Variants in DNAH12 observed in about 807,000 individuals in gnomAD.
DNAH12 encodes the protein axonemal beta dynein heavy chain 12.
A neutral mutation model predicts 371.5 loss-of-function variants in DNAH12; 285 were observed. The observed-to-expected ratio is 0.77, with a 90% CI of 0.70 to 0.85. The LOEUF is 0.85. DNAH12 is among the 40% of genes least tolerant of loss of function. The probability of loss-of-function intolerance (pLI) is 0.00; values close to 1 mark genes in which losing one functional copy is unlikely to be tolerated. For missense variants in DNAH12, 3,611 were observed against 3,689.4 expected (o/e 0.98, Z 0.55); for synonymous variants, 1,200 against 1,213.0 (o/e 0.99, Z 0.22).
chr3:57,413,307 G>C (rs1240509062), intron 39 of DNAH12, among the ~76,000 whole-genome samples: 1 of 152,172 alleles, frequency 6.6e-6, no homozygotes, highest in Non-Finnish European at 1.5e-5. Context: ...GGAATGAAAA[G>C]AGAACACAGA....
intron 43 of DNAH12, among the ~76,000 whole-genome samples, chr3:57,401,299 T>C (rs2063852417): frequency 6.6e-6 from 1 of 151,064 alleles, no homozygotes; most frequent in African/African-American, 2.4e-5. Flanking sequence ...TCTGTAATCC[T>C]AGCAGTTGGG....
chr3:57,494,708 T>C (rs927899895), intron 11 of DNAH12, among the ~76,000 whole-genome samples: 1 of 152,150 alleles, frequency 6.6e-6, no homozygotes, highest in African/African-American at 2.4e-5. Flanking sequence ...TGACATGATA[T>C]TGTATACAGA....
At chr3:57,351,015 A>G (rs1553659969) in intron 60 of DNAH12, among the ~76,000 whole-genome samples, 1 of 151,342 alleles carries the variant, frequency 6.6e-6, no homozygotes, top group Non-Finnish European at 1.5e-5. Flanking sequence ...TCACACCTGT[A>G]ATACCAGCAC....
intron 44 of DNAH12, among the ~76,000 whole-genome samples, chr3:57,393,371 TA>T (rs2063665507): frequency 6.6e-6 from 1 of 152,052 alleles, no homozygotes. Flanking sequence ...CTCACGCCTG[TA>T]ATCCCAGCAC....
At chr3:57,443,505 C>T (rs9839011) in intron 29 of DNAH12, among the ~76,000 whole-genome samples, 104,496 of 152,018 alleles carry the variant, frequency 0.69, 36,050 homozygotes, top group South Asian at 0.8. Flanking sequence ...TATGTATAAT[C>T]TACATGAAGT....
chr3:57,503,538 G>A (rs924093726), intron 9 of DNAH12, among the ~76,000 whole-genome samples: 4 of 151,694 alleles, frequency 2.6e-5, no homozygotes, highest in South Asian at 4.2e-4. Context: ...ACAGGCACGC[G>A]CCACCATGCC....
chr3:57,539,207 T>C (rs2153402655), intron 2 of DNAH12, among the ~76,000 whole-genome samples: 1 of 152,350 alleles, frequency 6.6e-6, no homozygotes, highest in Non-Finnish European at 1.5e-5. Context: ...CAGAGTGATA[T>C]CTTTTAAATG....
chr3:57,494,533 G>C (rs1250562002), intron 11 of DNAH12, among the ~76,000 whole-genome samples: 1 of 152,018 alleles, frequency 6.6e-6, no homozygotes, highest in Non-Finnish European at 1.5e-5. Context: ...CTGTACTTTA[G>C]CCTGGGCAAC....
At chr3:57,485,545 G>A (rs1376341059) in intron 12 of DNAH12, among the ~76,000 whole-genome samples, 1 of 145,686 alleles carries the variant, frequency 6.9e-6, no homozygotes, top group East Asian at 1.9e-4. Flanking sequence ...GGGATTACAG[G>A]CGCGTGCCAC....
intron 13 of DNAH12, among the ~76,000 whole-genome samples, chr3:57,476,138 T>C (rs6445888): frequency 0.67 from 101,670 of 152,030 alleles, 34,245 homozygotes; most frequent in South Asian, 0.75. Context: ...ATAACATTGA[T>C]GAGAGGCAAA....
intron 35 of DNAH12, 67 bp downstream of exon 35, chr3:57,424,955 T>A: frequency 1.5e-6 from 1 of 660,874 alleles, no homozygotes; most frequent in South Asian, 1.7e-5. Flanking sequence ...TCTTTCTCAA[T>A]ATAAACATCA....
At chr3:57,449,925 C>A (rs1013829983) in intron 25 of DNAH12, among the ~76,000 whole-genome samples, 2 of 152,160 alleles carry the variant, frequency 1.3e-5, no homozygotes, top group African/African-American at 4.8e-5. Flanking sequence ...GAGACTTTTT[C>A]TCAGTGTCTA....
At chr3:57,422,899 G>A (rs527546944) in intron 35 of DNAH12, among the ~76,000 whole-genome samples, 16 of 152,204 alleles carry the variant, frequency 1.1e-4, no homozygotes, top group African/African-American at 3.9e-4. Flanking sequence ...CACTCTATAA[G>A]CACTAATATG....
intron 60 of DNAH12, among the ~76,000 whole-genome samples, chr3:57,345,356 G>A (rs546175900): frequency 6.6e-6 from 1 of 151,904 alleles, no homozygotes; most frequent in African/African-American, 2.4e-5. Context: ...AAAAATTCTC[G>A]ACAAAATATT....
intron 7 of DNAH12, 71 bp from the exon 8 acceptor site, chr3:57,507,909 C>A: frequency 7.2e-7 from 1 of 1,386,902 alleles, no homozygotes. Context: ...AATTGTTGGG[C>A]CGGGCTCGGT....
Position 57,306,728 on chromosome 3 carries a change from C to T in DNAH12, c.11189+2423G>A, listed in dbSNP as rs534922839. ...AAAGTCTGTTATCACTCGCCTGCCA[C>T]AGCATGGCCTTTTAAAGCCTATAAA... On this transcript the variant is annotated intron_variant, in intron 69 of 73. Transcript: ENST00000495027. Among the ~76,000 whole-genome samples the T allele has an allele frequency of 5.9e-5, 9 of 152,310 alleles. No homozygotes were observed. In the South Asian group the frequency reaches 6.2e-4, roughly 11 times the overall value.
intron 29 of DNAH12, among the ~76,000 whole-genome samples, chr3:57,437,890 A>G (rs2065178581): frequency 1.3e-5 from 2 of 152,260 alleles, no homozygotes; most frequent in African/African-American, 2.4e-5. Flanking sequence ...TGAAGCCAGA[A>G]GTAAACTACA....
rs1203672257 is a variant in DNAH12, at chr3:57,489,541, G to A, written c.1482C>T (p.Asp494=). The A allele has an allele frequency of 3.2e-5, 49 of 1,517,354 alleles. No homozygotes were observed. Among genetic ancestry groups the A allele is most frequent in the Non-Finnish European group, 4.2e-5 (48 of 1,137,390 alleles). 94.0% of individuals were successfully genotyped at this position (1,517,354 alleles called of 1,614,324 possible). A position where few individuals can be genotyped will look rare whatever the true frequency, so the allele number is the denominator to read the frequency against. Residue 494 remains aspartate, a synonymous_variant, in exon 12 of 74, where the codon GAC becomes GAT. Transcript: ENST00000495027. ...TTTCTTTTCTATATTTTGAAGCTATGTCATTTAATAATATGTTTGCAAAGG... is the reference window on the plus strand; with the variant it reads ...TTTCTTTTCTATATTTTGAAGCTATATCATTTAATAATATGTTTGCAAAGG... ...AKAFANILLN[D]IASKYRKENE...
intron 45 of DNAH12, among the ~76,000 whole-genome samples, chr3:57,389,061 A>G (rs2063554928): frequency 6.6e-6 from 1 of 152,238 alleles, no homozygotes; most frequent in South Asian, 2.1e-4. Flanking sequence ...AATAAAAAAT[A>G]AATAAATTAC....
Sources: gnomAD v4.1 joint callset for allele counts (sites outside exome capture counted in the v4.1 genomes callset) on GRCh38, gnomAD v4.1.1 for gene constraint, MANE v1.5 for transcripts, NCBI Gene and HGNC (gene_info 2026-07-23, HGNC 2026-07-21) for gene names.